Variants in TTC39C observed in about 807,000 individuals in gnomAD.
TTC39C encodes the protein tetratricopeptide repeat protein 39C.
TTC39C carries 33 observed loss-of-function variants against 76.3 expected under a neutral mutation model. The ratio of observed to expected loss-of-function variants is 0.43; its 90% confidence interval spans 0.33 to 0.58. The LOEUF (loss-of-function observed/expected upper bound fraction) is 0.58. Ranked by LOEUF, TTC39C falls within the 20% of genes least tolerant of loss-of-function variation. The pLI, the probability that TTC39C is intolerant of heterozygous loss-of-function variation, is 0.04. For missense variants in TTC39C, 595 were observed against 701.4 expected, an observed-to-expected ratio of 0.85 and a Z score of 1.71; for synonymous variants, 254 against 260.6, an observed-to-expected ratio of 0.97 and a Z score of 0.24.
intron 1 of TTC39C, among the ~76,000 whole-genome samples, chr18:24,043,917 T>G (rs1018387928): frequency 1.3e-5 from 2 of 152,214 alleles, no homozygotes; most frequent in Non-Finnish European, 2.9e-5. Flanking sequence ...CTCAAACATT[T>G]AGCATTGCAC....
At chr18:24,078,681 C>T (rs1157768026) in intron 4 of TTC39C, among the ~76,000 whole-genome samples, 1 of 152,134 alleles carries the variant, frequency 6.6e-6, no homozygotes, top group Non-Finnish European at 1.5e-5. Context: ...ATGTCACTAA[C>T]CAGGAAATCT....
intron 13 of TTC39C, 27 bp downstream of exon 13, chr18:24,131,947 C>T: frequency 6.2e-7 from 1 of 1,609,906 alleles, no homozygotes; most frequent in Non-Finnish European, 8.5e-7. Flanking sequence ...TACCTTTCTC[C>T]AGTGGCCCTT....
At chr18:24,088,629 C>T (rs1283522417) in intron 6 of TTC39C, among the ~76,000 whole-genome samples, 1 of 152,238 alleles carries the variant, frequency 6.6e-6, no homozygotes, top group East Asian at 1.9e-4. Flanking sequence ...TGCCCGTCCA[C>T]CACTCTGTTG....
intron 6 of TTC39C, among the ~76,000 whole-genome samples, chr18:24,092,404 C>T (rs980363783): frequency 6.6e-6 from 1 of 152,036 alleles, no homozygotes; most frequent in Non-Finnish European, 1.5e-5. Context: ...AATTTCACTC[C>T]TAGGAATATG....
chr18:24,057,140 C>A (rs1187870468), intron 1 of TTC39C, among the ~76,000 whole-genome samples: 1 of 151,942 alleles, frequency 6.6e-6, no homozygotes, highest in African/African-American at 2.4e-5. Flanking sequence ...AATCTCTTTG[C>A]CCCAAATTAT....
chr18:24,096,737 A>G (rs2084595154), intron 6 of TTC39C, among the ~76,000 whole-genome samples: 1 of 152,202 alleles, frequency 6.6e-6, no homozygotes, highest in African/African-American at 2.4e-5. Context: ...TTTTAAGTGA[A>G]TATTATATAG....
At chr18:24,109,968 G>A (rs910733958) in intron 6 of TTC39C, among the ~76,000 whole-genome samples, 1 of 151,924 alleles carries the variant, frequency 6.6e-6, no homozygotes, top group Admixed American at 6.6e-5. Context: ...CCGAGATCAC[G>A]CCACTGCACT....
Position 24,112,322 on chromosome 18 carries a change from A to C in TTC39C, c.985-2232A>C, listed in dbSNP as rs1565082. Among the ~76,000 whole-genome samples the C allele has an allele frequency of 2.0e-4, 31 of 152,136 alleles. 1 individual carries two copies. The highest frequency in any genetic ancestry group is 7.4e-5 in the Non-Finnish European group (5 of 68,000). ...GGATCCTTGACTTAATCACATCTGC[A>C]TACACACTCCCCGAAGAAAGCACAC... On this transcript the variant is annotated intron_variant, in intron 6 of 13. Coordinates refer to ENST00000317571, the MANE Select transcript of TTC39C (RefSeq NM_001135993.2).
At chr18:24,106,778 G>GCAA in intron 6 of TTC39C, among the ~76,000 whole-genome samples, 1 of 152,280 alleles carries the variant, frequency 6.6e-6, no homozygotes, top group South Asian at 2.1e-4. Context: ...TCCACCTCCT[G>GCAA]GGTTCAAGCA....
rs1040120258 is a variant in TTC39C, at chr18:24,134,050, T to C, written c.*1476T>C. The C allele has an allele frequency of 1.3e-5, 2 of 154,422 alleles. No homozygotes were observed. Among genetic ancestry groups the C allele is most frequent in the Non-Finnish European group, 2.9e-5 (2 of 68,216 alleles). The allele number at this position is 154,422 out of a possible 1,614,324, so 9.6% of individuals were successfully genotyped here. A position where few individuals can be genotyped will look rare whatever the true frequency, so the allele number is the denominator to read the frequency against. ...TTTCTCACTGATTTTGGCTAAACAG[T>C]ATTCATATTTCTTCATCTCTGTTAC... is the stretch of plus-strand genomic sequence containing the variant. On this transcript the variant is annotated 3_prime_UTR_variant, in exon 14 of 14. Transcript: ENST00000317571.
rs2085188430 is a variant in TTC39C, at chr18:24,135,414, AAAC to A, written c.*2846_*2848del. ...GGGTAGATGGAGCTTCTAGACTCCA[AAAC>A]AACAAAACCACAGTGTGAGTACACT... On this transcript the variant is annotated 3_prime_UTR_variant, in exon 14 of 14. Transcript: ENST00000317571. The A allele has an allele frequency of 6.5e-6, 1 of 152,880 alleles. No homozygotes were observed. The highest frequency in any genetic ancestry group is 2.1e-4 in the South Asian group (1 of 4,830). The allele number at this position is 152,880 out of a possible 1,614,324, so 9.5% of individuals were successfully genotyped here.
intron 4 of TTC39C, among the ~76,000 whole-genome samples, chr18:24,073,491 C>A (rs2084265860): frequency 6.6e-6 from 1 of 151,948 alleles, no homozygotes; most frequent in African/African-American, 2.4e-5. Flanking sequence ...CCCAGGCCTT[C>A]CTCCTTTGTA....
intron 1 of TTC39C, among the ~76,000 whole-genome samples, chr18:24,059,098 T>G (rs989732189): frequency 6.6e-6 from 1 of 152,218 alleles, no homozygotes; most frequent in African/African-American, 2.4e-5. Flanking sequence ...TGAAAAGAAA[T>G]TCTTAATTTT....
At chr18:24,018,240 A>G (rs1385507403) in intron 1 of TTC39C, among the ~76,000 whole-genome samples, 1 of 152,168 alleles carries the variant, frequency 6.6e-6, no homozygotes, top group African/African-American at 2.4e-5. Context: ...AAAGGTTAGG[A>G]TAGATTTGTC....
chr18:24,038,237 G>C (rs151294428), intron 1 of TTC39C, among the ~76,000 whole-genome samples: 176 of 143,254 alleles, frequency 1.2e-3, no homozygotes, highest in African/African-American at 4.0e-3. Flanking sequence ...TGCCCTCAAA[G>C]AAGTGCCCGT....
At chr18:24,070,837 AAAAAG>A (rs775212066) in intron 4 of TTC39C, among the ~76,000 whole-genome samples, 173 of 152,154 alleles carry the variant, frequency 1.1e-3, no homozygotes, top group African/African-American at 3.5e-3. Context: ...AGTGAGACTT[AAAAAG>A]AAAAGAAAAG....
chr18:24,131,510 A>C (rs929382347), intron 12 of TTC39C, among the ~76,000 whole-genome samples: 1 of 152,084 alleles, frequency 6.6e-6, no homozygotes, highest in African/African-American at 2.4e-5. Context: ...GTTTGAGACC[A>C]ACCTGGCCAA....
intron 8 of TTC39C, chr18:24,120,856 A>T (rs1300576810): frequency 8.5e-6 from 1 of 117,864 alleles, no homozygotes; most frequent in East Asian, 1.9e-4. Flanking sequence ...ATGTTGTAAC[A>T]TGTGTCAGGA....
chr18:24,024,739 G>T (rs1218884899), intron 1 of TTC39C, among the ~76,000 whole-genome samples: 1 of 152,158 alleles, frequency 6.6e-6, no homozygotes, highest in Non-Finnish European at 1.5e-5. Flanking sequence ...GCCTTTAATA[G>T]GTGTCCAGGA....
Sources: gnomAD v4.1 joint callset for allele counts (sites outside exome capture counted in the v4.1 genomes callset) on GRCh38, gnomAD v4.1.1 for gene constraint, MANE v1.5 for transcripts, NCBI Gene and HGNC (gene_info 2026-07-23, HGNC 2026-07-21) for gene names.